The following RPS6KA5 variants were observed in gnomAD, a reference collection of about 807,000 sequenced individuals.
RPS6KA5 encodes ribosomal protein S6 kinase alpha-5.
RPS6KA5 carries 27 observed loss-of-function variants against 85.5 expected under a neutral mutation model. The observed-to-expected ratio is 0.32, with a 90% CI of 0.23 to 0.44. The LOEUF (loss-of-function observed/expected upper bound fraction) is 0.44. Among genes scored for constraint, RPS6KA5 ranks in the 20% least tolerant of loss-of-function variants. RPS6KA5 has a pLI of 1.00. For missense variants in RPS6KA5, 811 were observed against 980.9 expected, an observed-to-expected ratio of 0.83 and a Z score of 2.31; for synonymous variants, 334 against 348.2, an observed-to-expected ratio of 0.96 and a Z score of 0.46.
chr14:90,956,973 T>G (rs1281551956), intron 3 of RPS6KA5, among the ~76,000 whole-genome samples: 44 of 150,120 alleles, frequency 2.9e-4, no homozygotes, highest in Middle Eastern at 3.5e-3. Flanking sequence ...TGTTTTTTTT[T>G]TTTTTTTTTT....
intron 1 of RPS6KA5, among the ~76,000 whole-genome samples, chr14:91,033,494 C>T (rs7142556): frequency 0.13 from 20,016 of 151,908 alleles, 1,606 homozygotes; most frequent in East Asian, 0.31. Flanking sequence ...CCCAGCTACT[C>T]GGGAGGCTGA....
chr14:91,021,469 G>A lies in RPS6KA5; in HGVS notation c.104-20310C>T, dbSNP rs1303172531. ...CAGGCTGGGCAACACAGTAAGATCCGTCTCTATTTCAATTTAAAAAAATAA... is the reference window on the plus strand; with the variant it reads ...CAGGCTGGGCAACACAGTAAGATCCATCTCTATTTCAATTTAAAAAAATAA... On this transcript the variant is annotated intron_variant, in intron 1 of 16. Transcript: ENST00000614987. 6.6e-5 allele frequency among the ~76,000 whole-genome samples: 10 copies of A among 152,026 alleles called. No homozygotes were observed. The South Asian group carries it at 1.7e-3, about 25-fold the overall frequency.
chr14:91,052,900 A>C (rs912619565), intron 1 of RPS6KA5, among the ~76,000 whole-genome samples: 2 of 151,848 alleles, frequency 1.3e-5, no homozygotes, highest in Non-Finnish European at 2.9e-5. Flanking sequence ...TTTTGGGGAG[A>C]CTAGACAGAG....
At chr14:90,904,108 C>T (rs2035357769) in intron 8 of RPS6KA5, among the ~76,000 whole-genome samples, 1 of 152,104 alleles carries the variant, frequency 6.6e-6, no homozygotes, top group African/African-American at 2.4e-5. Flanking sequence ...CGCCACCATG[C>T]CCGGCTAATT....
At chr14:90,893,096 T>G (rs942018614) in intron 13 of RPS6KA5, among the ~76,000 whole-genome samples, 1 of 152,122 alleles carries the variant, frequency 6.6e-6, no homozygotes, top group Non-Finnish European at 1.5e-5. Context: ...GAATAAAACA[T>G]GTGAAAATGA....
intron 13 of RPS6KA5, 63 bp downstream of exon 13, chr14:90,894,350 G>A: frequency 7.0e-7 from 1 of 1,431,904 alleles, no homozygotes; most frequent in South Asian, 1.8e-5. Context: ...CTTCCCCCAT[G>A]TTTGGGAGAT....
rs186348622 is a variant in RPS6KA5 at position 90,945,554 on chromosome 14, T to A, written c.510+1881A>T. On this transcript the variant is annotated intron_variant, in intron 4 of 16. Coordinates refer to ENST00000614987, the MANE Select transcript of RPS6KA5 (RefSeq NM_004755.4). Reference sequence around the variant, plus strand: ...TTATCAAGATTAACATTGCTGGCTTTGCGTTATATTTATCTGTATCTTTTT... The same window carrying A: ...TTATCAAGATTAACATTGCTGGCTTAGCGTTATATTTATCTGTATCTTTTT... 2.6e-5 allele frequency among the ~76,000 whole-genome samples: 4 copies of A among 152,330 alleles called. No homozygotes were observed. The East Asian group carries it at 5.8e-4, about 22-fold the overall frequency.
At chr14:90,944,976 T>C (rs1212209482) in intron 4 of RPS6KA5, among the ~76,000 whole-genome samples, 1 of 147,890 alleles carries the variant, frequency 6.8e-6, no homozygotes, top group Non-Finnish European at 1.5e-5. Flanking sequence ...AACGGACAAG[T>C]GTGGGTGGCC....
At position 90,875,307 on chromosome 14, in the gene RPS6KA5, C is replaced by G; in HGVS notation, c.1890G>C (p.Thr630=). 6.2e-7 allele frequency: 1 copy of G among 1,613,932 alleles called. No individual in the cohort carries two copies. The highest frequency in any genetic ancestry group is 8.5e-7 in the Non-Finnish European group (1 of 1,179,874). Residue 630 remains threonine, a synonymous_variant, in exon 15 of 17, where the codon ACG becomes ACC. Transcript: ENST00000614987. The stretch of plus-strand genomic sequence containing the variant: ...TCATGATTTCCACCGCGCTGGTACA[C>G]GTCAAACTTCGGTCATGAGATTGGA... ...VPFQSHDRSL[T]CTSAVEIMKK...
In RPS6KA5 at chr14:90,858,280, T is replaced by A. The variant is rs2140106792; in HGVS notation, c.*13794A>T. The A allele has an allele frequency of 6.6e-6, 1 of 152,278 alleles. No individual in the cohort carries two copies. The highest frequency in any genetic ancestry group is 1.5e-5 in the Non-Finnish European group (1 of 68,026). 9.4% of individuals were successfully genotyped at this position (152,278 alleles called of 1,614,324 possible). A position where few individuals can be genotyped will look rare whatever the true frequency, so the allele number is the denominator to read the frequency against. On this transcript the variant is annotated 3_prime_UTR_variant, in exon 17 of 17. Coordinates refer to ENST00000614987, the MANE Select transcript of RPS6KA5 (RefSeq NM_004755.4). ...ATGTTATTTCTAAACAGATCTAGTA[T>A]CAGAAGCATCTGAATCATCAAAATC...
rs916869931 is a variant in RPS6KA5 at position 90,952,053 on chromosome 14, T to C, written c.395-4503A>G. Among the ~76,000 whole-genome samples the C allele has an allele frequency of 6.6e-5, 10 of 152,198 alleles. No individual in the cohort carries two copies. In the East Asian group the frequency reaches 1.7e-3, roughly 26 times the overall value. On this transcript the variant is annotated intron_variant, in intron 3 of 16. Coordinates refer to ENST00000614987, the MANE Select transcript of RPS6KA5 (RefSeq NM_004755.4). ...AACCCAGGTATGCCCCTCTACTTCT[T>C]TGGCATCCCCAGGCACCTTGGATTG...
chr14:90,890,865 T>C (rs1180571713), intron 13 of RPS6KA5, among the ~76,000 whole-genome samples, 187 bp from the exon 14 acceptor site: 1 of 152,090 alleles, frequency 6.6e-6, no homozygotes, highest in Non-Finnish European at 1.5e-5. Flanking sequence ...TTATTTCAAT[T>C]TTACCATGTC....
chr14:90,913,304 G>A (rs1251281554), intron 7 of RPS6KA5, among the ~76,000 whole-genome samples: 3 of 152,046 alleles, frequency 2.0e-5, no homozygotes, highest in East Asian at 3.9e-4. Context: ...TGCACACTCC[G>A]GCCATTGCTT....
chr14:90,980,813 C>T (rs1286074), intron 2 of RPS6KA5, among the ~76,000 whole-genome samples: 31,671 of 152,208 alleles, frequency 0.21, 3,515 homozygotes, highest in East Asian at 0.32. Flanking sequence ...CCAGTGCTCC[C>T]TCTTCCAAGA....
intron 2 of RPS6KA5, among the ~76,000 whole-genome samples, chr14:90,999,313 T>C (rs1209085888): frequency 6.6e-6 from 1 of 152,220 alleles, no homozygotes; most frequent in Non-Finnish European, 1.5e-5. Flanking sequence ...TTTCTTGCTA[T>C]AATGTTTGGC....
In RPS6KA5 at chr14:90,936,529, G is replaced by A. The variant is rs548107781; in HGVS notation, c.618+6549C>T. Among the ~76,000 whole-genome samples, 3 of 152,060 alleles carry A rather than the reference G, an allele frequency of 2.0e-5. No individual in the cohort carries two copies. The East Asian group carries it at 5.8e-4, about 29-fold the overall frequency. On this transcript the variant is annotated intron_variant, in intron 5 of 16. Transcript: ENST00000614987. ...CAGTGAGCCGATCTTGCCACGCTGG[G>A]TGACAGACCAAGACCCCATCTTTTA...
At chr14:90,922,878 T>A (rs1482750056) in intron 6 of RPS6KA5, among the ~76,000 whole-genome samples, 1 of 152,084 alleles carries the variant, frequency 6.6e-6, no homozygotes, top group Non-Finnish European at 1.5e-5. Flanking sequence ...TTCTCACCAA[T>A]AAAATCTTTA....
chr14:91,001,528 G>A (rs1175353779), intron 1 of RPS6KA5, among the ~76,000 whole-genome samples: 4 of 152,066 alleles, frequency 2.6e-5, no homozygotes, highest in Non-Finnish European at 2.9e-5. Context: ...TTTATGATTC[G>A]ACAAACATTT....
intron 5 of RPS6KA5, among the ~76,000 whole-genome samples, chr14:90,930,988 C>CA (rs2036944247): frequency 6.6e-6 from 1 of 152,090 alleles, no homozygotes; most frequent in Non-Finnish European, 1.5e-5. Context: ...AAATGTTCCT[C>CA]AAAAAATTAA....
Sources: allele counts gnomAD v4.1 joint callset (sites outside exome capture counted in the v4.1 genomes callset), GRCh38; gene constraint gnomAD v4.1.1; transcripts MANE v1.5; gene names NCBI Gene and HGNC (gene_info 2026-07-23, HGNC 2026-07-21).